The following IL1RAPL2 variants were observed in gnomAD, a reference collection of about 807,000 sequenced individuals.
IL1RAPL2 encodes interleukin 1 receptor accessory protein like 2.
A neutral mutation model predicts 44.1 loss-of-function variants in IL1RAPL2; 3 were observed. That is an observed-to-expected ratio of 0.07 (90% CI 0.03 to 0.18). IL1RAPL2 has a LOEUF of 0.18. Ranked by LOEUF, IL1RAPL2 falls within the 10% of genes least tolerant of loss-of-function variation. IL1RAPL2 has a pLI of 1.00. For missense variants in IL1RAPL2, 391 were observed against 496.4 expected (o/e 0.79, Z 2.02); for synonymous variants, 181 against 178.8 (o/e 1.01, Z -0.10).
chrX:105,742,526 T>A (rs1323130155), intron 8 of IL1RAPL2, among the ~76,000 whole-genome samples: 1 of 111,069 alleles, frequency 9.0e-6, no homozygotes, highest in Non-Finnish European at 1.9e-5. Context: ...AATTTGACAC[T>A]ACAAACCAAG....
At chrX:105,418,131 G>C (rs2147744193) in intron 5 of IL1RAPL2, among the ~76,000 whole-genome samples, 1 of 110,511 alleles carries the variant, frequency 9.0e-6, no homozygotes, top group East Asian at 2.9e-4. Flanking sequence ...ACTCCAAAAA[G>C]AGTGAGACCT....
chrX:105,245,851 G>A (rs1452888883), intron 4 of IL1RAPL2, among the ~76,000 whole-genome samples: 1 of 112,444 alleles, frequency 8.9e-6, no homozygotes, highest in African/African-American at 3.2e-5. Context: ...TGTTAATAAG[G>A]TCAAGGCTAT....
At chrX:104,673,648 G>A (rs745621139) in intron 2 of IL1RAPL2, among the ~76,000 whole-genome samples, 1 of 111,329 alleles carries the variant, frequency 9.0e-6, no homozygotes, top group East Asian at 2.8e-4. Flanking sequence ...GGCTTTGGTA[G>A]CTTGATGGGG....
intron 2 of IL1RAPL2, among the ~76,000 whole-genome samples, chrX:105,017,838 C>T (rs774954898): frequency 1.4e-4 from 15 of 109,616 alleles, no homozygotes; most frequent in South Asian, 3.8e-4. Flanking sequence ...AGACTGTTTA[C>T]GGTAGGAAGT....
chrX:105,697,486 G>A (rs1432106766), intron 6 of IL1RAPL2, among the ~76,000 whole-genome samples: 1 of 110,911 alleles, frequency 9.0e-6, no homozygotes, highest in East Asian at 2.9e-4. Flanking sequence ...AAGCTATTTA[G>A]GGCTGCGATG....
intron 2 of IL1RAPL2, among the ~76,000 whole-genome samples, chrX:104,785,150 C>G (rs1039649022): frequency 4.6e-5 from 5 of 109,399 alleles, no homozygotes; most frequent in African/African-American, 6.7e-5. Context: ...TAGCTGGGAC[C>G]ACAGGCGTGC....
At chrX:104,832,718 GA>G (rs1437368986) in intron 2 of IL1RAPL2, among the ~76,000 whole-genome samples, 1 of 111,563 alleles carries the variant, frequency 9.0e-6, no homozygotes, top group African/African-American at 3.2e-5. Flanking sequence ...AGGTTCACCA[GA>G]AAAAAGGACA....
chrX:105,082,878 C>G (rs1262619769), intron 2 of IL1RAPL2, among the ~76,000 whole-genome samples: 1 of 111,107 alleles, frequency 9.0e-6, no homozygotes, highest in African/African-American at 3.3e-5. Context: ...ATTCCAAAAA[C>G]CAGAATACCT....
At chrX:105,062,685 A>G (rs769370966) in intron 2 of IL1RAPL2, among the ~76,000 whole-genome samples, 4 of 111,540 alleles carry the variant, frequency 3.6e-5, no homozygotes, top group South Asian at 3.8e-4. Flanking sequence ...TGTTTGAAGT[A>G]TAGTTTCACC....
At chrX:104,675,326 A>T (rs759884915) in intron 2 of IL1RAPL2, among the ~76,000 whole-genome samples, 2 of 111,732 alleles carry the variant, frequency 1.8e-5, no homozygotes, top group Non-Finnish European at 3.8e-5. Context: ...TTCAAAGAAC[A>T]TCTTTATTTC....
At chrX:105,309,044 T>A (rs2034774375) in intron 5 of IL1RAPL2, among the ~76,000 whole-genome samples, 1 of 110,522 alleles carries the variant, frequency 9.0e-6, no homozygotes, top group African/African-American at 3.3e-5. Context: ...ATTAATTAAT[T>A]AATTTTTGAG....
chrX:105,034,103 G>A (rs2031572219), intron 2 of IL1RAPL2, among the ~76,000 whole-genome samples: 1 of 111,481 alleles, frequency 9.0e-6, no homozygotes, highest in African/African-American at 3.3e-5. Flanking sequence ...CTCTGCATTG[G>A]TTATTGTAGG....
At chrX:105,218,945 C>G (rs1556171823) in intron 3 of IL1RAPL2, 2 of 1,181,092 alleles carry the variant, frequency 1.7e-6, no homozygotes, top group Admixed American at 2.2e-5. Flanking sequence ...TGCTTCGGTT[C>G]TATTTTGCAT....
intron 2 of IL1RAPL2, among the ~76,000 whole-genome samples, chrX:104,820,093 G>A (rs963148553): frequency 1.3e-4 from 14 of 111,679 alleles, no homozygotes; most frequent in African/African-American, 4.6e-4. Flanking sequence ...TATTAGATAT[G>A]AAAAATGGAA....
chrX:105,030,150 T>C (rs2031460248), intron 2 of IL1RAPL2, among the ~76,000 whole-genome samples: 1 of 111,907 alleles, frequency 8.9e-6, no homozygotes, highest in African/African-American at 3.2e-5. Flanking sequence ...TATTGGCCCT[T>C]TGACAGATGA....
intron 5 of IL1RAPL2, among the ~76,000 whole-genome samples, chrX:105,457,827 A>G (rs1291799846): frequency 9.1e-6 from 1 of 110,296 alleles, no homozygotes; most frequent in Admixed American, 9.8e-5. Context: ...TCTTTTGGAC[A>G]TATGCTTAGG....
chrX:104,823,770 G>C (rs1921374569), intron 2 of IL1RAPL2, among the ~76,000 whole-genome samples: 1 of 111,999 alleles, frequency 8.9e-6, no homozygotes, highest in African/African-American at 3.2e-5. Flanking sequence ...TTGCTAGTCA[G>C]CTTAAGGATT....
intron 2 of IL1RAPL2, among the ~76,000 whole-genome samples, chrX:105,075,892 C>T (rs777670725): frequency 2.5e-4 from 28 of 111,354 alleles, no homozygotes; most frequent in African/African-American, 7.5e-4. Flanking sequence ...GGTGATATCC[C>T]GTTTGTCATT....
chrX:105,183,037 C>G (rs2033548661), intron 2 of IL1RAPL2, among the ~76,000 whole-genome samples: 1 of 111,142 alleles, frequency 9.0e-6, no homozygotes, highest in African/African-American at 3.3e-5. Context: ...CCCTAGGTGC[C>G]TGCATGGCAT....
Sources: gnomAD v4.1 joint callset for allele counts (sites outside exome capture counted in the v4.1 genomes callset) on GRCh38, gnomAD v4.1.1 for gene constraint, MANE v1.5 for transcripts, NCBI Gene and HGNC (gene_info 2026-07-23, HGNC 2026-07-21) for gene names.